The following CC2D1A variants were observed in gnomAD, a reference collection of about 807,000 sequenced individuals.
CC2D1A encodes coiled-coil and C2 domain containing 1A, also known as coiled-coil and C2 domain-containing protein 1A.
In CC2D1A, 68 loss-of-function variants were observed where a neutral mutation model predicts 123.8. That is an observed-to-expected ratio of 0.55 (90% confidence interval 0.45 to 0.67). CC2D1A has a LOEUF of 0.67. CC2D1A is among the 30% of genes least tolerant of loss of function. The probability of loss-of-function intolerance (pLI) is 0.00; values close to 1 mark genes in which losing one functional copy is unlikely to be tolerated. For missense variants in CC2D1A, 1,185 were observed against 1,290.3 expected (o/e 0.92, Z 1.25); for synonymous variants, 477 against 528.0 (o/e 0.90, Z 1.32).
At chr19:13,920,304 G>A (rs1214414165) in intron 12 of CC2D1A, 2 of 539,808 alleles carry the variant, frequency 3.7e-6, no homozygotes, top group African/African-American at 4.0e-5. Flanking sequence ...TGAACCGGGA[G>A]GCAGAGGTTG....
In CC2D1A at chr19:13,920,648, C is replaced by T. The variant is rs201884654; in HGVS notation, c.1448C>T (p.Pro483Leu). 1.5e-5 allele frequency: 24 copies of T among 1,610,552 alleles called. No individual in the cohort carries two copies. Among genetic ancestry groups the T allele is most frequent in the Non-Finnish European group, 2.0e-5 (24 of 1,178,364 alleles). ...SGSAPTAKAP[P>L]KATSTRAQQQ... The stretch of plus-strand genomic sequence containing the variant: ...TCAGCCCCAACAGCCAAAGCGCCCC[C>T]CAAAGCCACATCCACCAGAGGTAAG... Residue 483 changes from proline (P) to leucine (L), a missense_variant, in exon 13 of 29, where the codon CCC becomes CTC. Pro to Leu is a moderately conservative substitution (Grantham distance 98). Transcript: ENST00000318003.
chr19:13,909,652 A>C, intron 1 of CC2D1A, 171 bp from the exon 2 acceptor site: 5 of 830,764 alleles, frequency 6.0e-6, no homozygotes, highest in African/African-American at 1.7e-5. Flanking sequence ...GGCCTGGCCT[A>C]TCTTGGAACA....
At chr19:13,928,056 A>G (rs763356718) in intron 23 of CC2D1A, 26 bp downstream of exon 23, 3 of 1,578,548 alleles carry the variant, frequency 1.9e-6, no homozygotes, top group South Asian at 2.2e-5. Flanking sequence ...CCCACCCATC[A>G]GCAACCCCAG....
At chr19:13,913,729 T>G (rs1971103843) in intron 6 of CC2D1A, 91 bp downstream of exon 6, 7 of 985,018 alleles carry the variant, frequency 7.1e-6, no homozygotes, top group Non-Finnish European at 1.0e-5. Context: ...GTGCACTGAT[T>G]GTGAGATATT....
At position 13,930,597 on chromosome 19, in the gene CC2D1A, T is replaced by C; in HGVS notation, c.*202T>C. On this transcript the variant is annotated 3_prime_UTR_variant, in exon 29 of 29. Transcript: ENST00000318003. This position sits in a 1 kb window ranked among gnomAD's most constrained non-coding sequence, Gnocchi z 6.8. ...ATGCCTGCCAGCCAGTATGTGCCCCTCACCCAGGCCTGGCTGGGCCCTGGA... is the reference window on the plus strand; with the variant it reads ...ATGCCTGCCAGCCAGTATGTGCCCCCCACCCAGGCCTGGCTGGGCCCTGGA... The C allele has an allele frequency of 1.6e-6, 1 of 636,634 alleles. No homozygotes were observed. Among genetic ancestry groups the C allele is most frequent in the Non-Finnish European group, 2.7e-6 (1 of 370,432 alleles). The allele number at this position is 636,634 out of a possible 1,614,324, so 39.4% of individuals were successfully genotyped here. A position where few individuals can be genotyped will look rare whatever the true frequency, so the allele number is the denominator to read the frequency against.
In CC2D1A at chr19:13,909,910, G is replaced by A. The variant is rs368933699; in HGVS notation, c.148G>A (p.Ala50Thr). 1.9e-6 allele frequency: 3 copies of A among 1,549,860 alleles called. No homozygotes were observed. Among genetic ancestry groups the A allele is most frequent in the Admixed American group, 3.9e-5 (2 of 50,712 alleles). The stretch of plus-strand genomic sequence containing the variant: ...TGAAGAACTGGAGGCTGAGTTCTTG[G>A]CTTTGGTCGGGGGCCAGCCCCCAGC... Reference protein sequence around the residue: ...NDEELEAEFLALVGGQPPALE... With the variant: ...NDEELEAEFLTLVGGQPPALE... The change falls in exon 2 of 29, where the codon GCT becomes ACT. Residue 50 changes from alanine to threonine, a missense_variant. Ala to Thr is a moderately conservative substitution (Grantham distance 58, BLOSUM62 0). Coordinates refer to ENST00000318003, the MANE Select transcript of CC2D1A (RefSeq NM_017721.5).
rs916559667 is a variant in CC2D1A, at chr19:13,923,276, G to T, written c.1642-57G>T. On this transcript the variant is annotated intron_variant, in intron 14 of 28. Coordinates refer to ENST00000318003, the MANE Select transcript of CC2D1A (RefSeq NM_017721.5). This position sits in a 1 kb window ranked among gnomAD's most constrained non-coding sequence, Gnocchi z 5.3. ...CAAGGAAGAATGACATTTCTGCAGA[G>T]CCCTAGGTGGGCCTGCTTGTCCTCC... 122 of 1,559,442 alleles carry T rather than the reference G, an allele frequency of 7.8e-5. No individual in the cohort carries two copies. Among genetic ancestry groups the T allele is most frequent in the African/African-American group, 6.8e-4 (50 of 73,946 alleles).
In CC2D1A at chr19:13,913,291, C is replaced by T. The variant is rs1169212729; in HGVS notation, c.502C>T (p.Arg168Trp). 6 of 1,612,300 alleles carry T rather than the reference C, an allele frequency of 3.7e-6. No individual in the cohort carries two copies. The highest frequency in any genetic ancestry group is 1.7e-5 in the Admixed American group (1 of 59,796). ...CAGCGCCAAGATGCGGCGCTACGAT[C>T]GGGGGCTTAAAGTAAGTGGGCAGAG... is the stretch of plus-strand genomic sequence containing the variant. ...GDSAKMRRYD[R>W]GLKTLENLLA... Residue 168 changes from arginine to tryptophan, a missense_variant, in exon 5 of 29, where the codon CGG becomes TGG. By Grantham distance (101) the Arg-to-Trp change is moderately radical. Transcript: ENST00000318003.
chr19:13,915,852 T>C (rs1338002585), intron 6 of CC2D1A, among the ~76,000 whole-genome samples: 2 of 151,360 alleles, frequency 1.3e-5, no homozygotes, highest in Admixed American at 1.3e-4. Flanking sequence ...CAGAAGAGGA[T>C]TGAATGGGAG....
Position 13,929,433 on chromosome 19 carries a change from G to A in CC2D1A, c.2574G>A (p.Leu858=), listed in dbSNP as rs771626228. 7 of 1,613,392 alleles carry A rather than the reference G, an allele frequency of 4.3e-6. No individual in the cohort carries two copies. The highest frequency in any genetic ancestry group is 5.9e-6 in the Non-Finnish European group (7 of 1,179,980). The part of the protein sequence containing the change: ...LSVLAFDQER[L]ERKILALRQA... ...TGCTGGCGTTTGACCAAGAGCGTCTGGAGCGGAAGGTGGGTATCCATCCTG... is the reference window on the plus strand; with the variant it reads ...TGCTGGCGTTTGACCAAGAGCGTCTAGAGCGGAAGGTGGGTATCCATCCTG... Residue 858 remains leucine (L), a synonymous_variant, in exon 25 of 29, where the codon CTG becomes CTA. Coordinates refer to ENST00000318003, the MANE Select transcript of CC2D1A (RefSeq NM_017721.5).
Position 13,909,943 on chromosome 19 carries a change from A to G in CC2D1A, c.181A>G (p.Lys61Glu). The change falls in exon 2 of 29, where the codon AAG becomes GAG. Residue 61 changes from lysine (K) to glutamate (E), a missense_variant. By Grantham distance (56) the Lys-to-Glu change is moderately conservative. Transcript: ENST00000318003. ...CGGGGGCCAGCCCCCAGCCCTGGAG[A>G]AGCTCAAAGGCAAAGGTGAGATGGT... is the stretch of plus-strand genomic sequence containing the variant. Reference protein sequence around the residue: ...LVGGQPPALEKLKGKGPLPME... With the variant: ...LVGGQPPALEELKGKGPLPME... 1 of 1,519,012 alleles carries G rather than the reference A, an allele frequency of 6.6e-7. No homozygotes were observed. Among genetic ancestry groups the G allele is most frequent in the Non-Finnish European group, 8.8e-7 (1 of 1,133,802 alleles). 94.1% of individuals were successfully genotyped at this position (1,519,012 alleles called of 1,614,324 possible). A position where few individuals can be genotyped will look rare whatever the true frequency, so the allele number is the denominator to read the frequency against.
chr19:13,923,302 T>C lies in CC2D1A; in HGVS notation c.1642-31T>C, dbSNP rs748282797. On this transcript the variant is annotated intron_variant, in intron 14 of 28. Coordinates refer to ENST00000318003, the MANE Select transcript of CC2D1A (RefSeq NM_017721.5). This position sits in a 1 kb window ranked among gnomAD's most constrained non-coding sequence, Gnocchi z 5.3. ...CCCTAGGTGGGCCTGCTTGTCCTCC[T>C]TACCCCCGCCACCAGCCTCGTCCTC... 3 of 1,588,236 alleles carry C rather than the reference T, an allele frequency of 1.9e-6. No individual in the cohort carries two copies. Among genetic ancestry groups the C allele is most frequent in the Non-Finnish European group, 2.6e-6 (3 of 1,173,404 alleles).
intron 17 of CC2D1A, among the ~76,000 whole-genome samples, chr19:13,925,950 A>ACG (rs1434266786): frequency 1.2e-4 from 16 of 133,816 alleles, no homozygotes; most frequent in African/African-American, 4.9e-4. Flanking sequence ...ATATATATAT[A>ACG]TATATATATA....
chr19:13,921,022 G>C, intron 14 of CC2D1A, 100 bp downstream of exon 14: 1 of 1,179,772 alleles, frequency 8.5e-7, no homozygotes, highest in Non-Finnish European at 1.2e-6. Context: ...TCAAGGTCCA[G>C]CTGCTGTAAC....
intron 17 of CC2D1A, among the ~76,000 whole-genome samples, chr19:13,925,488 G>C (rs563600966): frequency 6.6e-6 from 1 of 152,092 alleles, no homozygotes; most frequent in East Asian, 1.9e-4. Context: ...GCTGAGGCAG[G>C]AGAATGGCAT....
rs1970937496 is a variant in CC2D1A at position 13,909,926 on chromosome 19, AG to A, written c.165del (p.Gln55HisfsTer27). ...GAGTTCTTGGCTTTGGTCGGGGGCCAGCCCCCAGCCCTGGAGAAGCTCAAAG... is the reference window on the plus strand; with the variant it reads ...GAGTTCTTGGCTTTGGTCGGGGGCCACCCCCAGCCCTGGAGAAGCTCAAAG... ...EAEFLALVGG[Q>X]PPALEKLKGK... On this transcript the variant is annotated frameshift_variant, in exon 2 of 29. Coordinates refer to ENST00000318003, the MANE Select transcript of CC2D1A (RefSeq NM_017721.5). LOFTEE classifies it high-confidence loss of function. 1 of 1,529,788 alleles carries A rather than the reference AG, an allele frequency of 6.5e-7. No individual in the cohort carries two copies. Among genetic ancestry groups the A allele is most frequent in the African/African-American group, 1.4e-5 (1 of 72,060 alleles). The allele number at this position is 1,529,788 out of a possible 1,614,324, so 94.8% of individuals were successfully genotyped here.
At chr19:13,922,698 T>C (rs188950965) in intron 14 of CC2D1A, among the ~76,000 whole-genome samples, 21 of 152,238 alleles carry the variant, frequency 1.4e-4, no homozygotes, top group African/African-American at 5.1e-4. Flanking sequence ...CATCCTTGTG[T>C]CCCCAGCCCC....
At chr19:13,924,201 C>T (rs1971511557) in intron 17 of CC2D1A, among the ~76,000 whole-genome samples, 1 of 152,018 alleles carries the variant, frequency 6.6e-6, no homozygotes, top group Admixed American at 6.6e-5. Context: ...GACAGAGTCT[C>T]ACTCTGTTGC....
rs776630342 is a variant in CC2D1A at position 13,909,898 on chromosome 19, G to T, written c.136G>T (p.Ala46Ser). ...EDGANDEELE[A>S]EFLALVGGQP... ...CGGGGCTAACGATGAAGAACTGGAG[G>T]CTGAGTTCTTGGCTTTGGTCGGGGG... The change falls in exon 2 of 29, where the codon GCT becomes TCT. Residue 46 changes from alanine (A) to serine (S), a missense_variant. Ala to Ser is a moderately conservative substitution (Grantham distance 99). Coordinates refer to ENST00000318003, the MANE Select transcript of CC2D1A (RefSeq NM_017721.5). The T allele has an allele frequency of 5.1e-6, 8 of 1,559,574 alleles. No individual in the cohort carries two copies. In the African/African-American group the frequency reaches 8.2e-5, roughly 16 times the overall value.
Sources: allele counts gnomAD v4.1 joint callset (sites outside exome capture counted in the v4.1 genomes callset), GRCh38; gene constraint gnomAD v4.1.1; non-coding constraint Gnocchi (gnomAD v3.1); transcripts MANE v1.5; gene names NCBI Gene and HGNC (gene_info 2026-07-23, HGNC 2026-07-21).